The following PIBF1 variants were observed in gnomAD, a reference collection of about 807,000 sequenced individuals.
PIBF1 encodes progesterone immunomodulatory binding factor 1.
A neutral mutation model predicts 112.5 loss-of-function variants in PIBF1; 90 were observed. The ratio of observed to expected loss-of-function variants is 0.80; its 90% CI spans 0.67 to 0.95. The LOEUF is 0.95. PIBF1 is among the 40% of genes least tolerant of loss of function. The probability of loss-of-function intolerance (pLI) is 0.00; values close to 1 mark genes in which losing one functional copy is unlikely to be tolerated. For missense variants in PIBF1, 915 were observed against 852.3 expected (o/e 1.07, Z -0.92); for synonymous variants, 301 against 288.6 (o/e 1.04, Z -0.44).
At chr13:72,942,965 C>T (rs2042051772) in intron 14 of PIBF1, among the ~76,000 whole-genome samples, 1 of 152,100 alleles carries the variant, frequency 6.6e-6, no homozygotes, top group African/African-American at 2.4e-5. Context: ...TGTGTCACTG[C>T]ACTCCAGCCC....
intron 5 of PIBF1, among the ~76,000 whole-genome samples, chr13:72,811,608 A>AAGAG (rs1555287755): frequency 2.1e-5 from 3 of 139,650 alleles, no homozygotes; most frequent in Non-Finnish European, 4.6e-5. Context: ...AAAAAAAAAA[A>AAGAG]AGAGAGAGAA....
chr13:72,944,570 T>G (rs2042098821), intron 14 of PIBF1, among the ~76,000 whole-genome samples: 2 of 152,212 alleles, frequency 1.3e-5, no homozygotes, highest in Non-Finnish European at 2.9e-5. Context: ...GAAGTGTATT[T>G]AATTGCATAC....
At chr13:72,879,678 C>T (rs1172442235) in intron 10 of PIBF1, among the ~76,000 whole-genome samples, 21 of 152,204 alleles carry the variant, frequency 1.4e-4, no homozygotes, top group Admixed American at 1.4e-3. Context: ...CACAGCTTCT[C>T]TTAATTCAAG....
At chr13:72,933,714 G>T (rs7320714) in intron 14 of PIBF1, among the ~76,000 whole-genome samples, 4 of 152,076 alleles carry the variant, frequency 2.6e-5, no homozygotes, top group African/African-American at 9.7e-5. Flanking sequence ...ATAAATTGTT[G>T]GGAGAAAATG....
At chr13:72,831,026 T>C (rs891605055) in intron 8 of PIBF1, among the ~76,000 whole-genome samples, 3 of 152,180 alleles carry the variant, frequency 2.0e-5, no homozygotes, top group African/African-American at 7.2e-5. Context: ...TTTATCCATT[T>C]CTTTTAGATT....
At chr13:72,953,739 T>C (rs142335576) in intron 14 of PIBF1, among the ~76,000 whole-genome samples, 1 of 152,280 alleles carries the variant, frequency 6.6e-6, no homozygotes, top group East Asian at 1.9e-4. Context: ...GAGTGCTGTG[T>C]TATTCTGCCT....
chr13:72,836,934 G>A (rs1000374996), intron 9 of PIBF1, among the ~76,000 whole-genome samples: 7 of 151,980 alleles, frequency 4.6e-5, no homozygotes, highest in Non-Finnish European at 1.5e-5. Context: ...GAACACAAAA[G>A]AAATCATTCA....
intron 5 of PIBF1, among the ~76,000 whole-genome samples, chr13:72,816,378 C>T (rs2036274277): frequency 6.6e-6 from 1 of 152,150 alleles, no homozygotes; most frequent in South Asian, 2.1e-4. Context: ...CATAGTGGCT[C>T]ACGCCTGTAA....
rs2041755685 is a variant in PIBF1 at position 72,932,985 on chromosome 13, A to C, written c.1833+1718A>C. Among the ~76,000 whole-genome samples the C allele has an allele frequency of 1.3e-5, 2 of 152,156 alleles. 1 individual carries two copies. Among genetic ancestry groups the C allele is most frequent in the South Asian group, 4.1e-4 (2 of 4,830 alleles). ...TGGAGTCATTTCCAGTTTTTGGAAT[A>C]AAGCTCATATGAACATTCATGTACA... is the stretch of plus-strand genomic sequence containing the variant. On this transcript the variant is annotated intron_variant, in intron 14 of 17. Coordinates refer to ENST00000326291, the MANE Select transcript of PIBF1 (RefSeq NM_006346.4).
Position 72,847,634 on chromosome 13 carries a change from A to G in PIBF1, c.1224-6423A>G, listed in dbSNP as rs528767534. 2.0e-5 allele frequency among the ~76,000 whole-genome samples: 3 copies of G among 152,370 alleles called. No homozygotes were observed. In the South Asian group the frequency reaches 6.2e-4, roughly 32 times the overall value. The stretch of plus-strand genomic sequence containing the variant: ...GCACCAACTATAATAAAAGGTTAGG[A>G]AAGTGTAGCATTTTCAGTCAACAAT... On this transcript the variant is annotated intron_variant, in intron 9 of 17. Coordinates refer to ENST00000326291, the MANE Select transcript of PIBF1 (RefSeq NM_006346.4).
At chr13:72,919,203 T>C (rs930456109) in intron 13 of PIBF1, among the ~76,000 whole-genome samples, 5 of 152,186 alleles carry the variant, frequency 3.3e-5, no homozygotes, top group Admixed American at 1.3e-4. Context: ...TCTAAAATGA[T>C]GTATCCTCAT....
intron 12 of PIBF1, among the ~76,000 whole-genome samples, chr13:72,914,244 AT>A (rs2041005717): frequency 6.6e-6 from 1 of 152,174 alleles, no homozygotes; most frequent in Admixed American, 6.5e-5. Context: ...AAATTAAAGT[AT>A]CTTATTTATA....
intron 14 of PIBF1, among the ~76,000 whole-genome samples, chr13:72,962,107 A>G (rs893081924): frequency 2.0e-5 from 3 of 152,156 alleles, no homozygotes; most frequent in Non-Finnish European, 4.4e-5. Context: ...ATTTATTACT[A>G]TACATAGTGT....
chr13:73,005,594 T>C (rs1001751438), intron 17 of PIBF1, among the ~76,000 whole-genome samples: 1 of 152,034 alleles, frequency 6.6e-6, no homozygotes, highest in Non-Finnish European at 1.5e-5. Flanking sequence ...TGAGGGAAAG[T>C]TTATAATTTT....
chr13:72,883,236 A>G (rs937571743), intron 10 of PIBF1, among the ~76,000 whole-genome samples: 13 of 152,302 alleles, frequency 8.5e-5, no homozygotes, highest in East Asian at 5.8e-4. Flanking sequence ...GCGAGGCACA[A>G]TAAGACAAAC....
intron 5 of PIBF1, among the ~76,000 whole-genome samples, chr13:72,809,312 A>G (rs1050640527): frequency 6.6e-6 from 1 of 151,744 alleles, no homozygotes; most frequent in Admixed American, 6.6e-5. Context: ...AAAATTTAAT[A>G]TATTTAGAAC....
chr13:72,847,384 A>C (rs2037923238), intron 9 of PIBF1, among the ~76,000 whole-genome samples: 1 of 152,198 alleles, frequency 6.6e-6, no homozygotes, highest in Non-Finnish European at 1.5e-5. Context: ...GAAGTCCAAT[A>C]TCTACGTACT....
At chr13:72,998,696 T>C in intron 16 of PIBF1, 126 bp from the exon 17 acceptor site, 1 of 627,092 alleles carries the variant, frequency 1.6e-6, no homozygotes, top group Non-Finnish European at 2.8e-6. Flanking sequence ...ATTACTATTT[T>C]ATTTTCACAA....
intron 10 of PIBF1, among the ~76,000 whole-genome samples, chr13:72,879,604 A>G (rs1387507547): frequency 3.3e-5 from 5 of 152,208 alleles, no homozygotes; most frequent in African/African-American, 1.2e-4. Context: ...TTGGGAATAA[A>G]AGAATTCCAA....
Sources: gnomAD v4.1 joint callset for allele counts (sites outside exome capture counted in the v4.1 genomes callset) on GRCh38, gnomAD v4.1.1 for gene constraint, MANE v1.5 for transcripts, NCBI Gene and HGNC (gene_info 2026-07-23, HGNC 2026-07-21) for gene names.